Variants in BOD1L1 observed in about 807,000 individuals in gnomAD.
The protein encoded by BOD1L1 is biorientation of chromosomes in cell division protein 1-like 1.
In BOD1L1, 86 loss-of-function variants were observed where a neutral mutation model predicts 240.7. The ratio of observed to expected loss-of-function variants is 0.36; its 90% CI spans 0.30 to 0.43. The LOEUF (loss-of-function observed/expected upper bound fraction) is 0.43. BOD1L1 is among the 20% of genes least tolerant of loss of function. BOD1L1 has a pLI of 1.00. For missense variants in BOD1L1, 3,554 were observed against 3,643.5 expected, an observed-to-expected ratio of 0.98 and a Z score of 0.63; for synonymous variants, 1,268 against 1,272.3, an observed-to-expected ratio of 1.00 and a Z score of 0.07.
In BOD1L1 at chr4:13,614,672, G is replaced by A. The variant is rs769663265; in HGVS notation, c.698C>T (p.Ala233Val). 3.7e-6 allele frequency: 6 copies of A among 1,613,740 alleles called. No homozygotes were observed. Among genetic ancestry groups the A allele is most frequent in the Admixed American group, 1.7e-5 (1 of 59,990 alleles). The change falls in exon 4 of 26, where the codon GCG (alanine) becomes GTG (valine). Residue 233 changes from alanine (A) to valine (V), a missense_variant. This residue lies in a region of BOD1L1 where 3,393 missense variants were observed against 3,427.1 expected (regional missense o/e 0.99). Transcript: ENST00000040738. ...TGGCTGAGATGGAAGTTTTTTTGAC[G>A]CTCTCTCACTGGTCTTGGCATTTGA... is the stretch of plus-strand genomic sequence containing the variant. The part of the protein sequence containing the change: ...ETSNAKTSER[A>V]SKKLPSQPTT...
Position 13,600,633 on chromosome 4 carries a change from T to A in BOD1L1, c.6267A>T (p.Thr2089=). 1 of 1,613,946 alleles carries A rather than the reference T, an allele frequency of 6.2e-7. No individual in the cohort carries two copies. The highest frequency in any genetic ancestry group is 1.1e-5 in the South Asian group (1 of 91,076). The stretch of plus-strand genomic sequence containing the variant: ...CATCTGAGAGACCTCCTTCCACATC[T>A]GTAATTGCGCTTACCTGAGGGGTGT... ...NDYTPQVSAI[T]DVEGGLSDAL... Residue 2089 remains threonine (T), a synonymous_variant, in exon 10 of 26, where the codon ACA becomes ACT. Coordinates refer to ENST00000040738, the MANE Select transcript of BOD1L1 (RefSeq NM_148894.3).
chr4:13,598,535 G>A (rs10939493), intron 10 of BOD1L1, among the ~76,000 whole-genome samples: 108,311 of 152,010 alleles, frequency 0.71, 41,567 homozygotes, highest in East Asian at 0.96. Context: ...CTATTTCCTC[G>A]TTTGTAAAAT....
chr4:13,624,024 T>A (rs4235372), intron 1 of BOD1L1: 1 of 151,382 alleles, frequency 6.6e-6, no homozygotes. Context: ...GGGGGGAATA[T>A]ATTTTTTTTT....
At chr4:13,578,198 G>C (rs1046672495) in intron 22 of BOD1L1, 1 of 152,088 alleles carries the variant, frequency 6.6e-6, no homozygotes, top group Non-Finnish European at 1.5e-5. Context: ...GAGCCACCAC[G>C]CCCGGCTGGG....
chr4:13,576,792 G>C (rs376755674), intron 25 of BOD1L1, 46 bp downstream of exon 25: 26 of 1,567,762 alleles, frequency 1.7e-5, no homozygotes, highest in Middle Eastern at 3.8e-4. Context: ...TTTTCAGATG[G>C]AGAAGCTGGT....
intron 25 of BOD1L1, 113 bp from the exon 26 acceptor site, chr4:13,570,241 A>C (rs1015740228): frequency 5.7e-6 from 4 of 707,878 alleles, no homozygotes; most frequent in Non-Finnish European, 8.7e-6. Context: ...AGAAGAGAAA[A>C]ACCCAGTAAC....
At chr4:13,595,824 C>G (rs781182540) in intron 12 of BOD1L1, 36 bp downstream of exon 12, 13 of 1,580,900 alleles carry the variant, frequency 8.2e-6, no homozygotes, top group Non-Finnish European at 1.1e-5. Context: ...AAGGCAAAAA[C>G]AAAAACAATG....
chr4:13,603,151 T>G lies in BOD1L1; in HGVS notation c.3749A>C (p.Asp1250Ala). The change falls in exon 10 of 26, where the codon GAT becomes GCT. Residue 1250 changes from aspartate (D) to alanine (A), a missense_variant. Coordinates refer to ENST00000040738, the MANE Select transcript of BOD1L1 (RefSeq NM_148894.3). The part of the protein sequence containing the change: ...RMLLSAPSEN[D>A]RVQKNLKNTA... ...GTTTTTCAAATTCTTCTGTACCCTA[T>G]CATTTTCTGATGGGGCACTCAGTAA... is the stretch of plus-strand genomic sequence containing the variant. The G allele has an allele frequency of 6.2e-7, 1 of 1,614,056 alleles. No homozygotes were observed. The highest frequency in any genetic ancestry group is 8.5e-7 in the Non-Finnish European group (1 of 1,179,892).
rs141705285 is a variant in BOD1L1 at position 13,613,519 on chromosome 4, C to T, written c.1317G>A (p.Thr439=). Residue 439 remains threonine, a synonymous_variant, in exon 5 of 26, where the codon ACG becomes ACA. Coordinates refer to ENST00000040738, the MANE Select transcript of BOD1L1 (RefSeq NM_148894.3). This position sits in a 1 kb window ranked among gnomAD's most constrained non-coding sequence, Gnocchi z 4.0. ...TSDSMEEGEI[T]SDDEEKNKQN... ...TTATGTAAAATGCTTTACCATCTGA[C>T]GTAATCTCTCCTTCTTCCATGCTAT... is the stretch of plus-strand genomic sequence containing the variant. 2.3e-4 allele frequency: 375 copies of T among 1,610,642 alleles called. No individual in the cohort carries two copies. In the African/African-American group the frequency reaches 3.2e-3, roughly 14 times the overall value.
At chr4:13,580,858 GTT>G (rs1205315470) in intron 21 of BOD1L1, among the ~76,000 whole-genome samples, 160 bp downstream of exon 21, 2 of 152,070 alleles carry the variant, frequency 1.3e-5, no homozygotes, top group Non-Finnish European at 2.9e-5. Flanking sequence ...ATGTAACTCT[GTT>G]TACACAAAGA....
At chr4:13,627,055 C>A (rs1717448874) in intron 1 of BOD1L1, among the ~76,000 whole-genome samples, 1 of 152,230 alleles carries the variant, frequency 6.6e-6, no homozygotes. Context: ...GAATACAAAA[C>A]TGGCTACTGT....
At chr4:13,606,276 AAAAG>A (rs1267148823) in intron 9 of BOD1L1, among the ~76,000 whole-genome samples, 1 of 152,192 alleles carries the variant, frequency 6.6e-6, no homozygotes, top group Non-Finnish European at 1.5e-5. Context: ...GAATTATCAT[AAAAG>A]AAAGTTAAAT....
At chr4:13,575,659 C>A (rs1009693817) in intron 25 of BOD1L1, among the ~76,000 whole-genome samples, 1 of 152,158 alleles carries the variant, frequency 6.6e-6, no homozygotes, top group Non-Finnish European at 1.5e-5. Flanking sequence ...GTTGGGATTA[C>A]AAGCATGAGC....
Position 13,608,801 on chromosome 4 carries a change from T to C in BOD1L1, c.1604-133A>G. On this transcript the variant is annotated intron_variant, in intron 7 of 25. Coordinates refer to ENST00000040738, the MANE Select transcript of BOD1L1 (RefSeq NM_148894.3). ...TTAATATTCTTAAGTTGTGCTGGAA[T>C]AGATATAATATTTTGGATGAAGAAG... 4 of 664,640 alleles carry C rather than the reference T, an allele frequency of 6.0e-6. No individual in the cohort carries two copies. The South Asian group carries it at 1.3e-4, about 22-fold the overall frequency. The allele number at this position is 664,640 out of a possible 1,614,324, so 41.2% of individuals were successfully genotyped here.
At position 13,576,853 on chromosome 4, in the gene BOD1L1, C is replaced by G. The variant is rs1289595890; in HGVS notation, c.9023G>C (p.Arg3008Thr). 6.8e-6 allele frequency: 11 copies of G among 1,613,898 alleles called. No individual in the cohort carries two copies. The highest frequency in any genetic ancestry group is 1.1e-5 in the South Asian group (1 of 91,064). ...PSGATTRSTTRSEAQRSKTQL... is the reference protein window; with the variant it reads ...PSGATTRSTTTSEAQRSKTQL... ...CCCCCATTACCTCTGAGCCTCTGATCTGGTGGTGGATCTTGTGGTGGCTCC... is the reference window on the plus strand; with the variant it reads ...CCCCCATTACCTCTGAGCCTCTGATGTGGTGGTGGATCTTGTGGTGGCTCC... The change falls in exon 25 of 26, where the codon AGA (arginine) becomes ACA (threonine). Residue 3008 changes from arginine (R) to threonine (T), a missense_variant. Arg to Thr is a moderately conservative substitution (Grantham distance 71). Coordinates refer to ENST00000040738, the MANE Select transcript of BOD1L1 (RefSeq NM_148894.3).
chr4:13,588,181 G>A (rs953171316), intron 15 of BOD1L1, among the ~76,000 whole-genome samples: 1 of 98,318 alleles, frequency 1.0e-5, no homozygotes, highest in African/African-American at 3.8e-5. Context: ...GGGGGAGACT[G>A]TTTCAAAAAA....
intron 1 of BOD1L1, among the ~76,000 whole-genome samples, chr4:13,620,512 G>A (rs754711092): frequency 3.3e-5 from 5 of 152,164 alleles, no homozygotes; most frequent in African/African-American, 9.7e-5. Flanking sequence ...AGCATTTAGT[G>A]AGCCTCCAAA....
Position 13,604,728 on chromosome 4 carries a change from G to A in BOD1L1, c.2172C>T (p.Ser724=). 6.2e-7 allele frequency: 1 copy of A among 1,609,890 alleles called. No individual in the cohort carries two copies. Among genetic ancestry groups the A allele is most frequent in the East Asian group, 2.2e-5 (1 of 44,842 alleles). ...KSLLKKEVKS[S]KEKPEREKTP... ...TTTTCTCTCTTTCAGGCTTCTCCTT[G>A]GAGGATTTCACCTCTTTCTTAAGTA... is the stretch of plus-strand genomic sequence containing the variant. Residue 724 remains serine (S), a synonymous_variant, in exon 10 of 26, where the codon TCC becomes TCT. Coordinates refer to ENST00000040738, the MANE Select transcript of BOD1L1 (RefSeq NM_148894.3).
chr4:13,627,589 G>T lies in BOD1L1; in HGVS notation c.-2C>A, dbSNP rs1577394012. The T allele has an allele frequency of 5.2e-6, 6 of 1,144,756 alleles. No homozygotes were observed. In the East Asian group the frequency reaches 2.4e-4, roughly 46 times the overall value. The allele number at this position is 1,144,756 out of a possible 1,614,324, so 70.9% of individuals were successfully genotyped here. On this transcript the variant is annotated 5_prime_UTR_variant, in exon 1 of 26. Transcript: ENST00000040738. ...CTGCGGCTGTGGGTTGGTGGCCATG[G>T]TGGCCTGTGCCGGGGAGGGCAAGGG...
Sources: gnomAD v4.1 joint callset for allele counts (sites outside exome capture counted in the v4.1 genomes callset) on GRCh38, gnomAD v4.1.1 for gene constraint, gnomAD v4.1.1 regional missense constraint, Gnocchi (gnomAD v3.1) non-coding constraint, MANE v1.5 for transcripts, NCBI Gene and HGNC (gene_info 2026-07-23, HGNC 2026-07-21) for gene names.